COL28A1: variants seen among roughly 807,000 people sequenced by gnomAD.
COL28A1 encodes the protein collagen type XXVIII alpha 1 chain, also known as collagen alpha-1(XXVIII) chain.
Under a neutral mutation model 150.2 loss-of-function variants are expected in COL28A1, and 161 were observed. The observed-to-expected ratio is 1.07, with a 90% CI of 0.94 to 1.22. The LOEUF (loss-of-function observed/expected upper bound fraction) is 1.22, where lower values mean the gene tolerates loss of function less well. Among genes scored for constraint, COL28A1 ranks in the 50% most tolerant of loss-of-function variants. The pLI is 0.00. For missense variants in COL28A1, 1,617 were observed against 1,388.3 expected (o/e 1.16, Z -2.62); for synonymous variants, 552 against 469.7 (o/e 1.18, Z -2.26).
chr7:7,379,916 A>C (rs1472506055), intron 30 of COL28A1, among the ~76,000 whole-genome samples: 1 of 152,200 alleles, frequency 6.6e-6, no homozygotes, highest in Non-Finnish European at 1.5e-5. Flanking sequence ...TGTTGGTCAC[A>C]TGCCCAGCTC....
intron 23 of COL28A1, among the ~76,000 whole-genome samples, chr7:7,435,797 G>A (rs1406105056): frequency 1.3e-5 from 2 of 152,138 alleles, no homozygotes; most frequent in East Asian, 3.8e-4. Flanking sequence ...GATTTTAAAA[G>A]TGCTAATGAT....
In COL28A1 at chr7:7,531,403, T is replaced by C. The variant is rs1340392997; in HGVS notation, c.626A>G (p.Glu209Gly). 2 of 1,599,906 alleles carry C rather than the reference T, an allele frequency of 1.3e-6. No homozygotes were observed. The highest frequency in any genetic ancestry group is 8.5e-7 in the Non-Finnish European group (1 of 1,170,020). Residue 209 changes from glutamate (E) to glycine (G), a missense_variant, in exon 3 of 35, where the codon GAA becomes GGA. Physicochemically the swap from Glu to Gly is moderately conservative, Grantham distance 98. Transcript: ENST00000399429. ...LRLISGDSSSEPTLLLSDPTL... is the reference protein window; with the variant it reads ...LRLISGDSSSGPTLLLSDPTL... ...TGGATCACTCAACAGTAAAGTGGGT[T>C]CACTGGATGAATCCCCAGAAATCAA...
In COL28A1 at chr7:7,504,060, A is replaced by G. The variant is rs142810702; in HGVS notation, c.1026+1954T>C. 2.5e-3 allele frequency among the ~76,000 whole-genome samples: 383 copies of G among 152,308 alleles called. 1 individual carries two copies. The highest frequency in any genetic ancestry group is 8.7e-3 in the African/African-American group (361 of 41,570). The stretch of plus-strand genomic sequence containing the variant: ...TATGATTATGCTGTAAAAGTCAACC[A>G]CAAAGTGCTATTATGTCAGAAAAAT... On this transcript the variant is annotated intron_variant, in intron 11 of 34. Transcript: ENST00000399429.
intron 13 of COL28A1, among the ~76,000 whole-genome samples, chr7:7,484,350 G>A (rs1310236821): frequency 6.6e-6 from 1 of 151,820 alleles, no homozygotes; most frequent in Non-Finnish European, 1.5e-5. Context: ...ACTAAACAAT[G>A]GCATTTCAAC....
chr7:7,339,211 C>G, the COL28A1 span, among the ~76,000 whole-genome samples: 1 of 152,134 alleles, frequency 6.6e-6, no homozygotes, highest in Non-Finnish European at 1.5e-5. Flanking sequence ...CTACTTTCAT[C>G]GAATCCAATC....
chr7:7,366,899 T>C (rs1272678550), intron 33 of COL28A1, among the ~76,000 whole-genome samples: 3 of 152,224 alleles, frequency 2.0e-5, no homozygotes, highest in African/African-American at 4.8e-5. Flanking sequence ...ATTATACTTA[T>C]TAAAGGTGGG....
chr7:7,534,903 G>T (rs561364776), intron 1 of COL28A1, among the ~76,000 whole-genome samples: 3 of 152,220 alleles, frequency 2.0e-5, no homozygotes, highest in East Asian at 1.9e-4. Flanking sequence ...ATTGTAGCCA[G>T]AGGACATTTT....
rs181733681 is a variant in COL28A1, at chr7:7,478,580, C to T, written c.1165-1400G>A. On this transcript the variant is annotated intron_variant, in intron 13 of 34. Transcript: ENST00000399429. The stretch of plus-strand genomic sequence containing the variant: ...CCCTTGGGCAGTTGATGGCACCAGG[C>T]GCTGTGGAGCAGGGGCCGTGCTCCT... Among the ~76,000 whole-genome samples the T allele has an allele frequency of 3.2e-3, 481 of 152,370 alleles. 1 individual carries two copies. Among genetic ancestry groups the T allele is most frequent in the African/African-American group, 0.011 (462 of 41,592 alleles).
chr7:7,351,901 A>G (rs1363107654), downstream of COL28A1, among the ~76,000 whole-genome samples: 1 of 152,128 alleles, frequency 6.6e-6, no homozygotes, highest in East Asian at 1.9e-4. Flanking sequence ...AGTTCAGGCC[A>G]TCATGGGAAG....
intron 20 of COL28A1, among the ~76,000 whole-genome samples, chr7:7,442,752 G>A (rs1785911634): frequency 6.6e-6 from 1 of 151,978 alleles, no homozygotes; most frequent in East Asian, 1.9e-4. Flanking sequence ...AAAATAGAAA[G>A]AAGCCCAGGC....
At chr7:7,358,883 T>C (rs1415708465) in intron 34 of COL28A1, 78 bp from the exon 35 acceptor site, 7 of 1,186,462 alleles carry the variant, frequency 5.9e-6, no homozygotes, top group East Asian at 5.1e-5. Context: ...TATAAAGTTA[T>C]ATAAATAAAC....
intron 25 of COL28A1, among the ~76,000 whole-genome samples, chr7:7,422,785 C>A (rs1193752782): frequency 6.6e-6 from 1 of 152,168 alleles, no homozygotes; most frequent in African/African-American, 2.4e-5. Flanking sequence ...CTTTGAGTGT[C>A]CCCAAGTTCC....
chr7:7,455,942 G>A (rs1583416698), intron 16 of COL28A1, 102 bp downstream of exon 16: 2 of 1,478,434 alleles, frequency 1.4e-6, no homozygotes, highest in East Asian at 2.4e-5. Flanking sequence ...GCAATTAACT[G>A]TCAAATATAC....
intron 27 of COL28A1, among the ~76,000 whole-genome samples, chr7:7,415,845 C>T (rs901862858): frequency 1.2e-4 from 18 of 152,044 alleles, no homozygotes; most frequent in African/African-American, 4.3e-4. Context: ...CTCTGTCATC[C>T]AGGCTGGAGT....
chr7:7,360,264 T>A (rs747826767), intron 34 of COL28A1, 126 bp downstream of exon 34: 4 of 870,700 alleles, frequency 4.6e-6, no homozygotes, highest in Non-Finnish European at 6.6e-6. Flanking sequence ...TCTCTCTGGG[T>A]AACCCTGTGC....
chr7:7,342,588 C>A, the COL28A1 span, among the ~76,000 whole-genome samples: 18,130 of 151,696 alleles, frequency 0.12, 1,268 homozygotes, highest in African/African-American at 0.18. Context: ...GAAGCTATGT[C>A]CTCTGTTTCT....
chr7:7,476,130 A>G (rs1381473147), intron 14 of COL28A1, among the ~76,000 whole-genome samples: 2 of 152,182 alleles, frequency 1.3e-5, no homozygotes, highest in Non-Finnish European at 2.9e-5. Context: ...ACCTGATGGA[A>G]TGACTGATGT....
rs549806087 is a variant in COL28A1 at position 7,362,942 on chromosome 7, A to T, written c.3067-2414T>A. Among the ~76,000 whole-genome samples the T allele has an allele frequency of 8.5e-5, 13 of 152,196 alleles. No homozygotes were observed. In the South Asian group the frequency reaches 2.7e-3, roughly 32 times the overall value. ...AACTCCTGGCTTCAAGTGATCCTCC[A>T]CATTGGCCTCCTGAGCTCAGCACCG... On this transcript the variant is annotated intron_variant, in intron 33 of 34. Coordinates refer to ENST00000399429, the MANE Select transcript of COL28A1 (RefSeq NM_001037763.3).
chr7:7,398,250 C>G (rs185525849), intron 27 of COL28A1, among the ~76,000 whole-genome samples: 1 of 152,254 alleles, frequency 6.6e-6, no homozygotes, highest in Admixed American at 6.5e-5. Context: ...AATAAATATC[C>G]AAATTGGCTT....
Sources: allele counts gnomAD v4.1 joint callset (sites outside exome capture counted in the v4.1 genomes callset), GRCh38; gene constraint gnomAD v4.1.1; transcripts MANE v1.5; gene names NCBI Gene and HGNC (gene_info 2026-07-23, HGNC 2026-07-21).